Variants in CREB5 observed in about 807,000 individuals in gnomAD.
CREB5 encodes cAMP responsive element binding protein 5.
A neutral mutation model predicts 57.1 loss-of-function variants in CREB5; 19 were observed. That is an observed-to-expected ratio of 0.33 (90% CI 0.23 to 0.49). The LOEUF (loss-of-function observed/expected upper bound fraction) is 0.49. CREB5 is among the 20% of genes least tolerant of loss of function. The probability of loss-of-function intolerance (pLI) is 0.99; values close to 1 mark genes in which losing one functional copy is unlikely to be tolerated. For synonymous variants in CREB5, 238 were observed against 238.3 expected, an observed-to-expected ratio of 1.00 and a Z score of 0.01; for missense variants, 579 against 671.6, an observed-to-expected ratio of 0.86 and a Z score of 1.52.
intron 7 of CREB5, among the ~76,000 whole-genome samples, chr7:28,757,076 AT>A (rs1455478003): frequency 1.3e-5 from 2 of 152,090 alleles, no homozygotes; most frequent in African/African-American, 4.8e-5. Context: ...ACTCACCCTA[AT>A]TTTTTTAGCG....
intron 1 of CREB5, among the ~76,000 whole-genome samples, chr7:28,447,534 A>C (rs1031586956): frequency 5.9e-5 from 9 of 152,314 alleles, no homozygotes; most frequent in African/African-American, 2.2e-4. Context: ...ATCTTTAGCC[A>C]TGCTGAGCTG....
At chr7:28,433,245 G>A (rs1418388491) in intron 1 of CREB5, among the ~76,000 whole-genome samples, 1 of 152,130 alleles carries the variant, frequency 6.6e-6, no homozygotes, top group Non-Finnish European at 1.5e-5. Context: ...TGTACTGATT[G>A]CCCCACGAAT....
At chr7:28,397,839 C>G (rs1292557680) in intron 1 of CREB5, among the ~76,000 whole-genome samples, 1 of 152,154 alleles carries the variant, frequency 6.6e-6, no homozygotes, top group Non-Finnish European at 1.5e-5. Context: ...TTCTGCAGAT[C>G]AGTGCACTGC....
Position 28,819,523 on chromosome 7 carries a change from G to C in CREB5, c.*244G>C. The C allele has an allele frequency of 2.3e-6, 1 of 435,754 alleles. No homozygotes were observed. The highest frequency in any genetic ancestry group is 4.0e-6 in the Non-Finnish European group (1 of 247,378). 27.0% of individuals were successfully genotyped at this position (435,754 alleles called of 1,614,324 possible). A position where few individuals can be genotyped will look rare whatever the true frequency, so the allele number is the denominator to read the frequency against. On this transcript the variant is annotated 3_prime_UTR_variant, in exon 11 of 11. Transcript: ENST00000357727. The stretch of plus-strand genomic sequence containing the variant: ...TTTGGTGCTTTTCTCCAGTTTTCTG[G>C]TACCAGTTACTTGTTTATAAACTGA...
intron 1 of CREB5, among the ~76,000 whole-genome samples, chr7:28,455,277 A>G (rs1790043010): frequency 6.6e-6 from 1 of 152,194 alleles, no homozygotes; most frequent in Non-Finnish European, 1.5e-5. Flanking sequence ...GGATGGACAG[A>G]CTGGGATAGC....
intron 5 of CREB5, 80 bp downstream of exon 5, chr7:28,570,617 C>G: frequency 1.3e-6 from 2 of 1,505,756 alleles, no homozygotes; most frequent in Non-Finnish European, 1.8e-6. Flanking sequence ...GTTTCTGGTG[C>G]TCAGATTGGT....
At chr7:28,817,455 CT>C (rs1809502889) in intron 9 of CREB5, among the ~76,000 whole-genome samples, 1 of 152,144 alleles carries the variant, frequency 6.6e-6, no homozygotes, top group African/African-American at 2.4e-5. Context: ...ACACAGACTT[CT>C]TTTGGAAAAT....
rs1385313634 is a variant in CREB5, at chr7:28,822,730, ATTG to A, written c.*3454_*3456del. 2 of 152,630 alleles carry A rather than the reference ATTG, an allele frequency of 1.3e-5. No homozygotes were observed. Among genetic ancestry groups the A allele is most frequent in the Admixed American group, 6.5e-5 (1 of 15,278 alleles). The allele number at this position is 152,630 out of a possible 1,614,324, so 9.5% of individuals were successfully genotyped here. ...CTTAAATGGAGGTGTCCACATCTTA[ATTG>A]TTTCTCCTTGACACATTTCTCAATC... is the stretch of plus-strand genomic sequence containing the variant. On this transcript the variant is annotated 3_prime_UTR_variant, in exon 11 of 11. Transcript: ENST00000357727.
intron 5 of CREB5, among the ~76,000 whole-genome samples, chr7:28,705,881 A>G (rs963803661): frequency 1.3e-5 from 2 of 152,354 alleles, no homozygotes; most frequent in African/African-American, 4.8e-5. Context: ...AACTCAAAAG[A>G]AAAGTAAGCC....
intron 1 of CREB5, among the ~76,000 whole-genome samples, chr7:28,314,596 A>G (rs1785340368): frequency 6.6e-6 from 1 of 152,216 alleles, no homozygotes; most frequent in Non-Finnish European, 1.5e-5. Context: ...CAACACACAC[A>G]GCACAGTGTC....
At chr7:28,435,394 T>A (rs1788918774) in intron 1 of CREB5, among the ~76,000 whole-genome samples, 1 of 150,322 alleles carries the variant, frequency 6.7e-6, no homozygotes, top group Non-Finnish European at 1.5e-5. Flanking sequence ...TTTTTTTTTT[T>A]TTTTTTTTGG....
chr7:28,788,808 A>G (rs1182163007), intron 7 of CREB5, among the ~76,000 whole-genome samples: 2 of 150,202 alleles, frequency 1.3e-5, no homozygotes, highest in Admixed American at 6.6e-5. Flanking sequence ...AAGTGAAGCC[A>G]GGTTAAAACC....
chr7:28,523,892 C>T (rs1261596957), intron 4 of CREB5, among the ~76,000 whole-genome samples: 1 of 152,210 alleles, frequency 6.6e-6, no homozygotes, highest in Admixed American at 6.5e-5. Flanking sequence ...CACCTCACCT[C>T]CTACCTTGTG....
At chr7:28,515,403 G>C (rs1792899668) in intron 4 of CREB5, among the ~76,000 whole-genome samples, 1 of 152,184 alleles carries the variant, frequency 6.6e-6, no homozygotes, top group African/African-American at 2.4e-5. Context: ...TAGCTTAAGA[G>C]TCAAGTCCAC....
chr7:28,340,237 A>G (rs1299807009), intron 1 of CREB5, among the ~76,000 whole-genome samples: 1 of 152,192 alleles, frequency 6.6e-6, no homozygotes, highest in East Asian at 1.9e-4. Flanking sequence ...ACAGTTAGGA[A>G]TGTTCTGGGT....
chr7:28,368,230 T>C (rs1013663278), intron 1 of CREB5, among the ~76,000 whole-genome samples: 1 of 152,082 alleles, frequency 6.6e-6, no homozygotes. Context: ...ATAATGGACA[T>C]TGGAGCCTTG....
intron 1 of CREB5, among the ~76,000 whole-genome samples, chr7:28,382,799 C>T (rs1324784596): frequency 6.6e-6 from 1 of 151,790 alleles, no homozygotes; most frequent in African/African-American, 2.4e-5. Flanking sequence ...ATGATACTCA[C>T]CTGGCAGCAG....
intron 1 of CREB5, among the ~76,000 whole-genome samples, chr7:28,445,385 G>T (rs1434899333): frequency 6.6e-6 from 1 of 152,002 alleles, no homozygotes; most frequent in Admixed American, 6.6e-5. Context: ...CTTCAGATAG[G>T]CTCTGCCTAT....
intron 1 of CREB5, among the ~76,000 whole-genome samples, chr7:28,442,497 G>GTT (rs34311992): frequency 6.6e-5 from 10 of 151,772 alleles, no homozygotes; most frequent in African/African-American, 1.2e-4. Context: ...TTATATGGTA[G>GTT]TTTTTTTTGT....
Sources: gnomAD v4.1 joint callset for allele counts (sites outside exome capture counted in the v4.1 genomes callset) on GRCh38, gnomAD v4.1.1 for gene constraint, MANE v1.5 for transcripts, NCBI Gene and HGNC (gene_info 2026-07-23, HGNC 2026-07-21) for gene names.